The following CD101 variants were observed in gnomAD, a reference collection of about 807,000 sequenced individuals.
The protein encoded by CD101 is CD101 molecule.
A neutral mutation model predicts 98.2 loss-of-function variants in CD101; 76 were observed. The ratio of observed to expected loss-of-function variants is 0.77; its 90% confidence interval spans 0.64 to 0.94. CD101 has a LOEUF of 0.94. Ranked by LOEUF, CD101 falls within the 40% of genes least tolerant of loss-of-function variation. The probability of loss-of-function intolerance (pLI) is 0.00; values close to 1 mark genes in which losing one functional copy is unlikely to be tolerated. For missense variants in CD101, 1,145 were observed against 1,218.8 expected (o/e 0.94, Z 0.90); for synonymous variants, 471 against 472.7 (o/e 1.00, Z 0.05).
In CD101 at chr1:117,007,390, C is replaced by T. The variant is rs574434503; in HGVS notation, c.44-2460C>T. On this transcript the variant is annotated intron_variant, in intron 1 of 9. Coordinates refer to ENST00000682167, the MANE Select transcript of CD101 (RefSeq NM_001256106.3). ...TTTTTCTTTTTGAGATGGAGTTGCC[C>T]GGGCTGGAGTACAGTGACGCAATCT... Among the ~76,000 whole-genome samples, 545 of 151,894 alleles carry T rather than the reference C, an allele frequency of 3.6e-3. 3 individuals carry two copies. The highest frequency in any genetic ancestry group is 0.013 in the African/African-American group (528 of 41,418).
In CD101 at chr1:117,025,888, C is replaced by G. The variant is rs138020050; in HGVS notation, c.2808C>G (p.Leu936=). Residue 936 remains leucine (L), a synonymous_variant, in exon 8 of 10, where the codon CTC becomes CTG. Transcript: ENST00000682167. ...CCGATGAGTCACAGCGGATGGTGCT[C>G]ACGGTGCTGCCTTCAGGTAACCAGG... ...QASDESQRMV[L]TVLPSEPTLP... 1 of 1,609,742 alleles carries G rather than the reference C, an allele frequency of 6.2e-7. No individual in the cohort carries two copies. Among genetic ancestry groups the G allele is most frequent in the South Asian group, 1.1e-5 (1 of 90,814 alleles).
rs1557776631 is a variant in CD101, at chr1:117,025,843, C to CA, written c.2765dup (p.Trp923ValfsTer3). 2.1e-5 allele frequency: 34 copies of CA among 1,613,948 alleles called. No homozygotes were observed. Among genetic ancestry groups the CA allele is most frequent in the Admixed American group, 3.3e-5 (2 of 59,992 alleles). ...AGTGGCAGCTCCATGGACACCCAAG[C>CA]AAGTGGATTAATCAAGCATCCGATG... On this transcript the variant is annotated frameshift_variant, in exon 8 of 10. Transcript: ENST00000682167. LOFTEE classifies it high-confidence loss of function.
intron 8 of CD101, among the ~76,000 whole-genome samples, chr1:117,028,026 G>A (rs1014661850): frequency 1.8e-4 from 27 of 151,902 alleles, no homozygotes; most frequent in Admixed American, 3.9e-4. Flanking sequence ...GGAAGGTTGC[G>A]GTGAGCCGAG....
intron 8 of CD101, chr1:117,026,769 G>A (rs937734158): frequency 1.3e-5 from 2 of 152,116 alleles, no homozygotes; most frequent in African/African-American, 4.8e-5. Flanking sequence ...ACAGGTATAC[G>A]GTTTTTAAAA....
intron 1 of CD101, 62 bp downstream of exon 1, chr1:117,001,922 G>GT: frequency 1.3e-6 from 2 of 1,505,120 alleles, no homozygotes; most frequent in Non-Finnish European, 1.8e-6. Flanking sequence ...AGGGTGCTGA[G>GT]TGATGGAACA....
Position 117,022,012 on chromosome 1 carries a change from G to A in CD101, c.2428+29G>A. On this transcript the variant is annotated intron_variant, in intron 7 of 9. Transcript: ENST00000682167. This position sits in a 1 kb window ranked among gnomAD's most constrained non-coding sequence, Gnocchi z 4.8. ...AACCTTGCGAGTGTATCCTCACAAT[G>A]TCTGTCTGTCTGACGGCTGTTTTCT... 1 of 1,563,394 alleles carries A rather than the reference G, an allele frequency of 6.4e-7. No individual in the cohort carries two copies. Among genetic ancestry groups the A allele is most frequent in the Non-Finnish European group, 8.6e-7 (1 of 1,157,708 alleles).
At chr1:117,007,622 A>G (rs1386281043) in intron 1 of CD101, among the ~76,000 whole-genome samples, 1 of 152,194 alleles carries the variant, frequency 6.6e-6, no homozygotes, top group Non-Finnish European at 1.5e-5. Context: ...AGCTAGGATT[A>G]CAGGCATGAG....
intron 1 of CD101, among the ~76,000 whole-genome samples, chr1:117,008,178 A>G (rs956718808): frequency 6.6e-6 from 1 of 152,168 alleles, no homozygotes; most frequent in African/African-American, 2.4e-5. Context: ...CTAAATTATT[A>G]TAGAGGCTGA....
chr1:117,014,185 T>G (rs998945800), intron 4 of CD101, among the ~76,000 whole-genome samples: 2 of 141,268 alleles, frequency 1.4e-5, no homozygotes, highest in East Asian at 4.3e-4. Flanking sequence ...CCCTCTGCCT[T>G]TGTGTGTGTG....
chr1:117,017,110 AC>A lies in CD101; in HGVS notation c.1251del (p.Lys418ArgfsTer28), dbSNP rs764464356. ...KPAARSVVMS[T>X]KNKQQVVWEG... is the part of the protein sequence containing the mutation. ...CACAGCAAGAAGTGTGGTCATGTCT[AC>A]CAAGAACAAGCAGCAAGTTGTGTGG... On this transcript the variant is annotated frameshift_variant, in exon 5 of 10. Transcript: ENST00000682167. LOFTEE classifies it high-confidence loss of function. The A allele has an allele frequency of 1.9e-6, 3 of 1,614,006 alleles. No individual in the cohort carries two copies. The highest frequency in any genetic ancestry group is 2.2e-5 in the South Asian group (2 of 91,068).
chr1:117,020,298 CT>C (rs1008073047), intron 6 of CD101, among the ~76,000 whole-genome samples: 1 of 152,156 alleles, frequency 6.6e-6, no homozygotes, highest in African/African-American at 2.4e-5. Flanking sequence ...TAATCCCACA[CT>C]TTGGGAGGCC....
intron 8 of CD101, among the ~76,000 whole-genome samples, chr1:117,031,422 C>G (rs1283765121): frequency 1.3e-5 from 2 of 152,198 alleles, no homozygotes; most frequent in African/African-American, 2.4e-5. Context: ...TCTCTGCCTC[C>G]CATGAGTAGA....
intron 1 of CD101, among the ~76,000 whole-genome samples, chr1:117,007,127 A>T (rs1367826963): frequency 6.6e-6 from 1 of 152,158 alleles, no homozygotes; most frequent in Non-Finnish European, 1.5e-5. Context: ...ACATAAGAAA[A>T]TTTTTATTAT....
rs114598815 is a variant in CD101, at chr1:117,018,992, A to G, written c.2017+432A>G. Among the ~76,000 whole-genome samples the G allele has an allele frequency of 2.1e-3, 323 of 152,370 alleles. 1 individual carries two copies. Among genetic ancestry groups the G allele is most frequent in the African/African-American group, 7.3e-3 (304 of 41,572 alleles). ...GATAAGGTAAATTCCACTGGAATAC[A>G]TCCACCTACTTCTTTGTAAGGTGTT... On this transcript the variant is annotated intron_variant, in intron 6 of 9. Transcript: ENST00000682167. The surrounding 1 kb of genome is among the most constrained non-coding windows in gnomAD (Gnocchi z 4.3).
In CD101 at chr1:117,025,883, G is replaced by A. The variant is rs759686602; in HGVS notation, c.2803G>A (p.Val935Met). Residue 935 changes from valine (V) to methionine (M), a missense_variant, in exon 8 of 10, where the codon GTG becomes ATG. Physicochemically the swap from Val to Met is conservative, Grantham distance 21. Coordinates refer to ENST00000682167, the MANE Select transcript of CD101 (RefSeq NM_001256106.3). ...AGCATCCGATGAGTCACAGCGGATG[G>A]TGCTCACGGTGCTGCCTTCAGGTAA... ...NQASDESQRMVLTVLPSEPTL... is the reference protein window; with the variant it reads ...NQASDESQRMMLTVLPSEPTL... 28 of 1,610,368 alleles carry A rather than the reference G, an allele frequency of 1.7e-5. No homozygotes were observed. The South Asian group carries it at 3.1e-4, about 18-fold the overall frequency.
chr1:117,021,981 C>T lies in CD101; in HGVS notation c.2426C>T (p.Thr809Ile), dbSNP rs1249838692. ...CTAACAGAATTGAAACTCAAGCCCA[C>T]AGGTAAACCTTGCGAGTGTATCCTC... Reference protein sequence around the residue: ...SGLTELKLKPTGSKVRVSKVY... With the variant: ...SGLTELKLKPIGSKVRVSKVY... The change falls in exon 7 of 10, where the codon ACA becomes ATA. Residue 809 changes from threonine (T) to isoleucine (I), a missense_variant and splice_region_variant. Coordinates refer to ENST00000682167, the MANE Select transcript of CD101 (RefSeq NM_001256106.3). The surrounding 1 kb of genome is among the most constrained non-coding windows in gnomAD (Gnocchi z 4.7). The T allele has an allele frequency of 6.2e-7, 1 of 1,600,086 alleles. No homozygotes were observed. Among genetic ancestry groups the T allele is most frequent in the Admixed American group, 1.8e-5 (1 of 57,074 alleles).
Position 117,013,483 on chromosome 1 carries a change from G to T in CD101, c.919G>T (p.Val307Leu). 6.2e-7 allele frequency: 1 copy of T among 1,614,196 alleles called. No individual in the cohort carries two copies. Among genetic ancestry groups the T allele is most frequent in the Non-Finnish European group, 8.5e-7 (1 of 1,180,034 alleles). Reference protein sequence around the residue: ...GKPLELVCLVVSSGRDPQLQG... With the variant: ...GKPLELVCLVLSSGRDPQLQG... ...ACCCTTAGAACTGGTTTGCCTGGTT[G>T]TAAGCAGTGGCCGTGACCCACAGCT... Residue 307 changes from valine (V) to leucine (L), a missense_variant, in exon 4 of 10, where the codon GTA becomes TTA. Coordinates refer to ENST00000682167, the MANE Select transcript of CD101 (RefSeq NM_001256106.3).
chr1:117,010,465 T>C lies in CD101; in HGVS notation c.424+235T>C, dbSNP rs928146872. On this transcript the variant is annotated intron_variant, in intron 2 of 9. Coordinates refer to ENST00000682167, the MANE Select transcript of CD101 (RefSeq NM_001256106.3). The surrounding 1 kb of genome is among the most constrained non-coding windows in gnomAD (Gnocchi z 5.2). ...CATAAATATTTAGATGGTGTGTGGTTTTCCCAAGGCCTTGTCCGCAGCTCT... is the reference window on the plus strand; with the variant it reads ...CATAAATATTTAGATGGTGTGTGGTCTTCCCAAGGCCTTGTCCGCAGCTCT... Among the ~76,000 whole-genome samples the C allele has an allele frequency of 6.6e-6, 1 of 152,208 alleles. No individual in the cohort carries two copies. The highest frequency in any genetic ancestry group is 1.5e-5 in the Non-Finnish European group (1 of 68,036).
chr1:117,020,725 C>T (rs1289883849), intron 6 of CD101, among the ~76,000 whole-genome samples: 2 of 152,206 alleles, frequency 1.3e-5, no homozygotes, highest in Admixed American at 6.5e-5. Context: ...CTGCACTTGT[C>T]TCCCTCTAGA....
Sources: allele counts gnomAD v4.1 joint callset (sites outside exome capture counted in the v4.1 genomes callset), GRCh38; gene constraint gnomAD v4.1.1; non-coding constraint Gnocchi (gnomAD v3.1); transcripts MANE v1.5; gene names NCBI Gene and HGNC (gene_info 2026-07-23, HGNC 2026-07-21).